The following ATP13A4 variants were observed in gnomAD, a reference collection of about 807,000 sequenced individuals.
ATP13A4 encodes the protein ATPase 13A4.
A neutral mutation model predicts 142.5 loss-of-function variants in ATP13A4; 114 were observed. That is an observed-to-expected ratio of 0.80 (90% CI 0.69 to 0.93). ATP13A4 has a LOEUF of 0.93. ATP13A4 is among the 40% of genes least tolerant of loss of function. The pLI is 0.00. For synonymous variants in ATP13A4, 488 were observed against 514.8 expected (o/e 0.95, Z 0.70); for missense variants, 1,392 against 1,454.0 (o/e 0.96, Z 0.69).
intron 25 of ATP13A4, among the ~76,000 whole-genome samples, chr3:193,429,493 C>T (rs1266837477): frequency 6.6e-6 from 1 of 151,990 alleles, no homozygotes; most frequent in Admixed American, 6.6e-5. Context: ...ATGCATGTTA[C>T]AAAATGGATT....
At chr3:193,533,105 A>T (rs1322762709) in intron 1 of ATP13A4, among the ~76,000 whole-genome samples, 1 of 152,132 alleles carries the variant, frequency 6.6e-6, no homozygotes, top group African/African-American at 2.4e-5. Flanking sequence ...TAAGGTAAAA[A>T]AGAAAAGTAT....
At chr3:193,478,722 T>C (rs1719114584) in intron 8 of ATP13A4, among the ~76,000 whole-genome samples, 1 of 152,148 alleles carries the variant, frequency 6.6e-6, no homozygotes, top group Admixed American at 6.5e-5. Context: ...CTATTGACAC[T>C]ATTCCACAGG....
chr3:193,509,811 C>G (rs1044410777), intron 2 of ATP13A4, among the ~76,000 whole-genome samples: 16 of 152,182 alleles, frequency 1.1e-4, no homozygotes, highest in African/African-American at 3.9e-4. Flanking sequence ...ACAACACCTA[C>G]TTTCTACATT....
intron 19 of ATP13A4, 77 bp downstream of exon 19, chr3:193,442,316 T>C (rs1716692494): frequency 4.1e-6 from 6 of 1,459,186 alleles, no homozygotes; most frequent in Non-Finnish European, 5.7e-6. Flanking sequence ...ATATGTTGAC[T>C]CTAGGTCAAA....
At chr3:193,459,995 G>C (rs1717858699) in intron 13 of ATP13A4, among the ~76,000 whole-genome samples, 1 of 152,172 alleles carries the variant, frequency 6.6e-6, no homozygotes, top group South Asian at 2.1e-4. Flanking sequence ...CAAATGTGCA[G>C]CACAGGCGTT....
At chr3:193,560,318 G>A (rs1400451369) in intron 2 of ATP13A4, among the ~76,000 whole-genome samples, 1 of 151,750 alleles carries the variant, frequency 6.6e-6, no homozygotes, top group African/African-American at 2.4e-5. Context: ...AAGGGATCCT[G>A]CCACCTCAGC....
At chr3:193,439,731 T>C (rs1716512964) in intron 21 of ATP13A4, among the ~76,000 whole-genome samples, 1 of 152,194 alleles carries the variant, frequency 6.6e-6, no homozygotes, top group Non-Finnish European at 1.5e-5. Context: ...ACTTTTTAAA[T>C]TATGAGCATT....
At chr3:193,565,187 T>G (rs897515894) in intron 2 of ATP13A4, among the ~76,000 whole-genome samples, 3 of 152,206 alleles carry the variant, frequency 2.0e-5, no homozygotes, top group African/African-American at 7.2e-5. Flanking sequence ...AAAATTTGTC[T>G]TCCATGAAAC....
intron 13 of ATP13A4, among the ~76,000 whole-genome samples, chr3:193,461,586 A>G (rs1717947484): frequency 6.6e-6 from 1 of 152,248 alleles, no homozygotes; most frequent in South Asian, 2.1e-4. Context: ...TTGTTTCTAG[A>G]TAGCATTTTA....
chr3:193,503,038 A>AGGG (rs577841644), intron 2 of ATP13A4, among the ~76,000 whole-genome samples: 1 of 145,466 alleles, frequency 6.9e-6, no homozygotes, highest in African/African-American at 2.5e-5. Flanking sequence ...GGGGCGGGGC[A>AGGG]GGGGGGGGAA....
At chr3:193,442,649 T>C in intron 18 of ATP13A4, 93 bp from the exon 19 acceptor site, 1 of 1,243,864 alleles carries the variant, frequency 8.0e-7, no homozygotes, top group Admixed American at 1.7e-5. Flanking sequence ...GTTCAGTCCT[T>C]ATTTCAGGTA....
chr3:193,498,183 T>G (rs770928100), intron 3 of ATP13A4, among the ~76,000 whole-genome samples: 2 of 152,048 alleles, frequency 1.3e-5, no homozygotes, highest in Non-Finnish European at 2.9e-5. Flanking sequence ...CTGTACCCCA[T>G]AAATATGTAC....
At chr3:193,425,549 T>C (rs547313622) in intron 25 of ATP13A4, among the ~76,000 whole-genome samples, 2 of 151,854 alleles carry the variant, frequency 1.3e-5, no homozygotes, top group East Asian at 3.9e-4. Flanking sequence ...GAAATCTTGT[T>C]GATTGCAACA....
At chr3:193,569,835 AG>A (rs1724220981) in intron 2 of ATP13A4, among the ~76,000 whole-genome samples, 1 of 143,812 alleles carries the variant, frequency 7.0e-6, no homozygotes, top group Non-Finnish European at 1.5e-5. Flanking sequence ...TCACCCAGCC[AG>A]TACTGGTTAC....
At chr3:193,562,337 G>A (rs544592473) in intron 2 of ATP13A4, among the ~76,000 whole-genome samples, 9 of 152,296 alleles carry the variant, frequency 5.9e-5, no homozygotes, top group African/African-American at 2.2e-4. Flanking sequence ...AGATGTCCAC[G>A]ATACATTAAC....
At position 193,482,816 on chromosome 3, in the gene ATP13A4, C is replaced by T. The variant is rs115593766; in HGVS notation, c.808+1120G>A. ...CTGCTAGTGTAAAACGGCGCCACTG[C>T]GTTGGACCAAAGATTGGCAGTTTCT... On this transcript the variant is annotated intron_variant, in intron 8 of 29. Coordinates refer to ENST00000342695, the MANE Select transcript of ATP13A4 (RefSeq NM_032279.4). 5.3e-3 allele frequency among the ~76,000 whole-genome samples: 800 copies of T among 152,262 alleles called. 6 individuals are homozygous for T. Among genetic ancestry groups the T allele is most frequent in the African/African-American group, 0.019 (773 of 41,540 alleles).
intron 13 of ATP13A4, among the ~76,000 whole-genome samples, chr3:193,461,290 CTGTGCACCTACTATT>C (rs923206708): frequency 4.6e-5 from 7 of 152,186 alleles, no homozygotes; most frequent in African/African-American, 1.7e-4. Context: ...TGAGCGATTA[CTGTGCACCTACTATT>C]TGTGCCTAGT....
At chr3:193,515,653 A>G (rs1227881750) in intron 1 of ATP13A4, among the ~76,000 whole-genome samples, 2 of 152,200 alleles carry the variant, frequency 1.3e-5, no homozygotes, top group African/African-American at 4.8e-5. Flanking sequence ...GATACATACA[A>G]GACAAGATAA....
rs141397635 is a variant in ATP13A4, at chr3:193,510,497, A to T, written c.234+4201T>A. Among the ~76,000 whole-genome samples, 248 of 152,342 alleles carry T rather than the reference A, an allele frequency of 1.6e-3. 1 individual carries two copies. The highest frequency in any genetic ancestry group is 2.4e-3 in the Non-Finnish European group (162 of 68,034). Reference sequence around the variant, plus strand: ...TGAAAATCAGGAGCATCTGAATTCAAAACAATGCATATAAATCATGTCATT... The same window carrying T: ...TGAAAATCAGGAGCATCTGAATTCATAACAATGCATATAAATCATGTCATT... On this transcript the variant is annotated intron_variant, in intron 2 of 29. Transcript: ENST00000342695.
Sources: gnomAD v4.1 joint callset for allele counts (sites outside exome capture counted in the v4.1 genomes callset) on GRCh38, gnomAD v4.1.1 for gene constraint, MANE v1.5 for transcripts, NCBI Gene and HGNC (gene_info 2026-07-23, HGNC 2026-07-21) for gene names.